The following UGT1A5 variants were observed in gnomAD, a reference collection of about 807,000 sequenced individuals.
UGT1A5 encodes UDP glucuronosyltransferase family 1 member A5, also known as UDP-glucuronosyltransferase 1A5.
In UGT1A5, 29 loss-of-function variants were observed where a neutral mutation model predicts 40.3. That is an observed-to-expected ratio of 0.72 (90% CI 0.54 to 0.98). The LOEUF (loss-of-function observed/expected upper bound fraction) is 0.98, where lower values mean the gene tolerates loss of function less well. Ranked by LOEUF, UGT1A5 falls within the 50% of genes least tolerant of loss-of-function variation. The probability of loss-of-function intolerance (pLI) is 0.00; values close to 1 mark genes in which losing one functional copy is unlikely to be tolerated. For synonymous variants in UGT1A5, 257 were observed against 262.5 expected (o/e 0.98, Z 0.20); for missense variants, 678 against 677.9 (o/e 1.00, Z 0.00).
intron 1 of UGT1A5, among the ~76,000 whole-genome samples, chr2:233,740,070 C>T (rs1691295893): frequency 6.6e-6 from 1 of 151,860 alleles, no homozygotes; most frequent in South Asian, 2.1e-4. Context: ...AGCTTTTCCT[C>T]TCTGTCTCTC....
intron 1 of UGT1A5, among the ~76,000 whole-genome samples, chr2:233,764,647 G>A (rs1256748841): frequency 6.6e-6 from 1 of 152,124 alleles, no homozygotes; most frequent in Non-Finnish European, 1.5e-5. Context: ...GGAAATTTAA[G>A]TAAGCCATTT....
chr2:233,750,617 G>C (rs1694515709), intron 1 of UGT1A5: 1 of 151,760 alleles, frequency 6.6e-6, no homozygotes, highest in African/African-American at 2.4e-5. Context: ...TTTGTGGGCT[G>C]GGTCCATGCT....
intron 1 of UGT1A5, among the ~76,000 whole-genome samples, chr2:233,726,714 A>C (rs1575568254): frequency 2.0e-5 from 3 of 152,340 alleles, no homozygotes; most frequent in Admixed American, 2.0e-4. Flanking sequence ...GGTTTGAGGA[A>C]GTACAATGTA....
chr2:233,749,307 G>A (rs1308092621), intron 1 of UGT1A5, among the ~76,000 whole-genome samples: 5 of 151,782 alleles, frequency 3.3e-5, no homozygotes, highest in Non-Finnish European at 7.4e-5. Context: ...TAAAATATGT[G>A]TTTATTAGAT....
chr2:233,745,687 G>A (rs1693175005), intron 1 of UGT1A5, among the ~76,000 whole-genome samples: 1 of 150,802 alleles, frequency 6.6e-6, no homozygotes, highest in Non-Finnish European at 1.5e-5. Context: ...ATCAAAGCAA[G>A]TTTGGAGAAC....
intron 1 of UGT1A5, among the ~76,000 whole-genome samples, chr2:233,732,992 G>A (rs1489601833): frequency 1.3e-5 from 2 of 152,152 alleles, no homozygotes; most frequent in Non-Finnish European, 2.9e-5. Context: ...TCGTTGAGCA[G>A]TGGTTTGTAG....
chr2:233,753,553 C>A (rs768975399), intron 1 of UGT1A5: 9 of 152,144 alleles, frequency 5.9e-5, no homozygotes, highest in Non-Finnish European at 1.3e-4. Context: ...TCAGAGGTGA[C>A]CCTAGAAGAT....
chr2:233,747,235 C>T, intron 1 of UGT1A5: 2 of 1,604,608 alleles, frequency 1.2e-6, no homozygotes, highest in Non-Finnish European at 1.7e-6. Flanking sequence ...ACCCCAGGTT[C>T]CCCTGCTGTG....
intron 1 of UGT1A5, among the ~76,000 whole-genome samples, chr2:233,745,961 G>C (rs1163113013): frequency 6.6e-6 from 1 of 151,702 alleles, no homozygotes; most frequent in Non-Finnish European, 1.5e-5. Context: ...TGGGGGACAG[G>C]GGCCCTGAAA....
chr2:233,757,967 C>T (rs187620660), intron 1 of UGT1A5, among the ~76,000 whole-genome samples: 98 of 152,288 alleles, frequency 6.4e-4, no homozygotes, highest in African/African-American at 2.2e-3. Flanking sequence ...TGTGATTTCT[C>T]AGCCCCTAGA....
At position 233,767,975 on chromosome 2, in the gene UGT1A5, T is replaced by A. The variant is rs772516341; in HGVS notation, c.1087+39T>A. The A allele has an allele frequency of 6.2e-6, 10 of 1,614,016 alleles. No homozygotes were observed. The African/African-American group carries it at 1.3e-4, about 22-fold the overall frequency. On this transcript the variant is annotated intron_variant, in intron 3 of 4. Transcript: ENST00000373414. ...ATTGGATGTATAGGTCAAACCAGGGTCAAATTAAGAAAATGGCTTAAGCAC... is the reference window on the plus strand; with the variant it reads ...ATTGGATGTATAGGTCAAACCAGGGACAAATTAAGAAAATGGCTTAAGCAC...
At chr2:233,724,345 C>CCT in intron 1 of UGT1A5, among the ~76,000 whole-genome samples, 1 of 147,952 alleles carries the variant, frequency 6.8e-6, no homozygotes, top group African/African-American at 2.5e-5. Flanking sequence ...GGCTGACCCC[C>CCT]CCCACCTCCC....
intron 1 of UGT1A5, chr2:233,742,915 T>C (rs558840772): frequency 5.4e-6 from 1 of 183,798 alleles, no homozygotes; most frequent in East Asian, 1.4e-4. Flanking sequence ...ATGCTCAAAG[T>C]GCTGAACTGA....
chr2:233,725,322 G>T (rs1180235241), intron 1 of UGT1A5, among the ~76,000 whole-genome samples: 1 of 103,758 alleles, frequency 9.6e-6, no homozygotes, highest in Admixed American at 1.0e-4. Context: ...AGAGGCGCCT[G>T]GTCAACAATC....
rs1417813271 is a variant in UGT1A5 at position 233,725,080 on chromosome 2, G to C, written c.867+11222G>C. Reference sequence around the variant, plus strand: ...CGCGCGCCTGCAATCGCAGGCACTCGGCAGGCTGAGGCAGGAGAATCAGGC... The same window carrying C: ...CGCGCGCCTGCAATCGCAGGCACTCCGCAGGCTGAGGCAGGAGAATCAGGC... On this transcript the variant is annotated intron_variant, in intron 1 of 4. Coordinates refer to ENST00000373414, the MANE Select transcript of UGT1A5 (RefSeq NM_019078.2). 2.8e-5 allele frequency among the ~76,000 whole-genome samples: 4 copies of C among 144,008 alleles called. No homozygotes were observed. In the Admixed American group the frequency reaches 2.8e-4, roughly 10 times the overall value. 94.5% of individuals were successfully genotyped at this position (144,008 alleles called of 152,430 possible).
At chr2:233,747,450 T>G in intron 1 of UGT1A5, 1 of 1,609,050 alleles carries the variant, frequency 6.2e-7, no homozygotes, top group South Asian at 1.1e-5. Context: ...CCTGACAACC[T>G]ATGCCATTTC....
intron 1 of UGT1A5, among the ~76,000 whole-genome samples, chr2:233,715,455 G>C (rs2076453035): frequency 6.6e-6 from 1 of 151,790 alleles, no homozygotes; most frequent in African/African-American, 2.4e-5. Flanking sequence ...GTTATTTTTT[G>C]AATTCCCCAT....
rs2076670148 is a variant in UGT1A5, at chr2:233,718,644, C to T, written c.867+4786C>T. ...GATTGGTCTTTCCCAGGGTTGGGCC[C>T]ATAACGAAAGGCAGTTATAGATTAA... On this transcript the variant is annotated intron_variant, in intron 1 of 4. Transcript: ENST00000373414. The T allele has an allele frequency of 2.6e-5, 39 of 1,488,962 alleles. No individual in the cohort carries two copies. The South Asian group carries it at 4.9e-4, about 19-fold the overall frequency. 92.2% of individuals were successfully genotyped at this position (1,488,962 alleles called of 1,614,324 possible). A position where few individuals can be genotyped will look rare whatever the true frequency, so the allele number is the denominator to read the frequency against.
chr2:233,767,203 C>T, intron 2 of UGT1A5, 38 bp downstream of exon 2: 1 of 1,613,332 alleles, frequency 6.2e-7, no homozygotes, highest in African/African-American at 1.3e-5. Flanking sequence ...TATCTATTTT[C>T]ACAGGAGCGC....
Sources: gnomAD v4.1 joint callset for allele counts (sites outside exome capture counted in the v4.1 genomes callset) on GRCh38, gnomAD v4.1.1 for gene constraint, MANE v1.5 for transcripts, NCBI Gene and HGNC (gene_info 2026-07-23, HGNC 2026-07-21) for gene names.